Variants in ARHGAP20 observed in about 807,000 individuals in gnomAD.
The protein encoded by ARHGAP20 is Rho GTPase activating protein 20.
A neutral mutation model predicts 73.7 loss-of-function variants in ARHGAP20; 34 were observed. The observed-to-expected ratio is 0.46, with a 90% CI of 0.35 to 0.61. The LOEUF (loss-of-function observed/expected upper bound fraction) is 0.61. Ranked by LOEUF, ARHGAP20 falls within the 20% of genes least tolerant of loss-of-function variation. ARHGAP20 has a pLI of 0.00. For missense variants in ARHGAP20, 1,314 were observed against 1,420.9 expected, an observed-to-expected ratio of 0.92 and a Z score of 1.21; for synonymous variants, 523 against 518.2, an observed-to-expected ratio of 1.01 and a Z score of -0.13.
chr11:110,601,367 A>C (rs1001838585), intron 9 of ARHGAP20, among the ~76,000 whole-genome samples: 38 of 152,226 alleles, frequency 2.5e-4, no homozygotes, highest in African/African-American at 8.7e-4. Context: ...TGAACAAGGG[A>C]GCATGAAGAT....
intron 2 of ARHGAP20, among the ~76,000 whole-genome samples, chr11:110,671,667 T>C (rs1949830951): frequency 6.6e-6 from 1 of 152,056 alleles, no homozygotes; most frequent in African/African-American, 2.4e-5. Flanking sequence ...AAAAATCAAC[T>C]GTATTTCTAT....
intron 2 of ARHGAP20, among the ~76,000 whole-genome samples, chr11:110,655,237 T>C (rs1441955149): frequency 6.6e-6 from 1 of 151,998 alleles, no homozygotes; most frequent in East Asian, 1.9e-4. Flanking sequence ...AACAATCTAA[T>C]GAGACACATG....
At chr11:110,650,698 G>C (rs1455860897) in intron 2 of ARHGAP20, among the ~76,000 whole-genome samples, 1 of 152,128 alleles carries the variant, frequency 6.6e-6, no homozygotes, top group East Asian at 1.9e-4. Flanking sequence ...ATGCAATTTA[G>C]TTCATAGCAG....
intron 2 of ARHGAP20, among the ~76,000 whole-genome samples, chr11:110,649,096 A>G (rs1449398294): frequency 1.3e-5 from 2 of 152,142 alleles, no homozygotes; most frequent in Non-Finnish European, 2.9e-5. Flanking sequence ...TCTCTTTGCA[A>G]ACAAAAATAA....
chr11:110,577,316 T>TATA lies in ARHGAP20; in HGVS notation c.*2051_*2053dup. 1 of 1,298,510 alleles carries TATA rather than the reference T, an allele frequency of 7.7e-7. No individual in the cohort carries two copies. The highest frequency in any genetic ancestry group is 9.8e-7 in the Non-Finnish European group (1 of 1,021,638). The allele number at this position is 1,298,510 out of a possible 1,614,324, so 80.4% of individuals were successfully genotyped here. A position where few individuals can be genotyped will look rare whatever the true frequency, so the allele number is the denominator to read the frequency against. ...TATAGTCTGTCTTCAAATCATACAA[T>TATA]ATAATACTTTACAGCAATATTAACA... On this transcript the variant is annotated 3_prime_UTR_variant, in exon 15 of 15. Transcript: ENST00000683387.
chr11:110,633,873 A>G (rs1302891537), intron 2 of ARHGAP20, among the ~76,000 whole-genome samples: 2 of 152,196 alleles, frequency 1.3e-5, no homozygotes, highest in Non-Finnish European at 2.9e-5. Flanking sequence ...CACTTGGAAG[A>G]GATGTCAGAA....
At chr11:110,595,439 G>C (rs757857447) in intron 9 of ARHGAP20, among the ~76,000 whole-genome samples, 13 of 152,186 alleles carry the variant, frequency 8.5e-5, no homozygotes, top group Non-Finnish European at 1.3e-4. Flanking sequence ...AGCAACTTCA[G>C]CAAAGTCTCA....
chr11:110,685,216 A>G (rs73563807), intron 2 of ARHGAP20, among the ~76,000 whole-genome samples: 8,425 of 152,270 alleles, frequency 0.055, 271 homozygotes, highest in Middle Eastern at 0.099. Flanking sequence ...AACAAATAAC[A>G]TATTTCAACA....
chr11:110,584,958 T>TATGTGAATAG (rs1947596020), intron 12 of ARHGAP20, among the ~76,000 whole-genome samples: 1 of 70,120 alleles, frequency 1.4e-5, no homozygotes, highest in Non-Finnish European at 3.7e-5. Context: ...TATATGAATA[T>TATGTGAATAG]ATGTGAATAT....
chr11:110,589,772 GGTAAAA>G (rs1947774851), intron 11 of ARHGAP20: 2 of 915,648 alleles, frequency 2.2e-6, no homozygotes, highest in Non-Finnish European at 2.6e-6. Flanking sequence ...TGCCAAGTGT[GGTAAAA>G]GTAAAGGAAA....
At chr11:110,605,225 AG>A (rs931597468) in intron 9 of ARHGAP20, among the ~76,000 whole-genome samples, 1 of 152,204 alleles carries the variant, frequency 6.6e-6, no homozygotes, top group African/African-American at 2.4e-5. Flanking sequence ...AGAGTTTAGT[AG>A]GTTTGAAAGA....
chr11:110,588,166 A>G (rs1947721938), intron 11 of ARHGAP20, among the ~76,000 whole-genome samples: 1 of 152,194 alleles, frequency 6.6e-6, no homozygotes, highest in African/African-American at 2.4e-5. Flanking sequence ...AAATACCACC[A>G]TCATCACAGC....
At chr11:110,701,682 C>T (rs1344235145) in intron 1 of ARHGAP20, among the ~76,000 whole-genome samples, 8 of 152,180 alleles carry the variant, frequency 5.3e-5, no homozygotes, top group Admixed American at 3.3e-4. Context: ...AATGGTAATG[C>T]CCAGGTTTTC....
chr11:110,613,517 G>C (rs1332412863), intron 6 of ARHGAP20, among the ~76,000 whole-genome samples: 1 of 152,052 alleles, frequency 6.6e-6, no homozygotes, highest in African/African-American at 2.4e-5. Context: ...ATGACAGTGG[G>C]ACATCAGTCC....
At position 110,577,736 on chromosome 11, in the gene ARHGAP20, A is replaced by AAAAG. The variant is rs1469171958; in HGVS notation, c.*1630_*1633dup. The AAAAG allele has an allele frequency of 5.1e-6, 5 of 985,812 alleles. No individual in the cohort carries two copies. Among genetic ancestry groups the AAAAG allele is most frequent in the African/African-American group, 3.5e-5 (2 of 57,244 alleles). 61.1% of individuals were successfully genotyped at this position (985,812 alleles called of 1,614,324 possible). On this transcript the variant is annotated 3_prime_UTR_variant, in exon 15 of 15. Coordinates refer to ENST00000683387, the MANE Select transcript of ARHGAP20 (RefSeq NM_001384657.1). ...AGTAGCTCTTTGGATACAGAGTTCT[A>AAAAG]AAAGATCATTGTAATGGTTAGCGCA...
chr11:110,597,262 A>T (rs1014152012), intron 9 of ARHGAP20, among the ~76,000 whole-genome samples: 1 of 151,432 alleles, frequency 6.6e-6, no homozygotes, highest in Admixed American at 6.6e-5. Context: ...CACGTTGTGC[A>T]CATGTACCCT....
At chr11:110,695,952 G>A (rs1012340444) in intron 1 of ARHGAP20, among the ~76,000 whole-genome samples, 2 of 151,574 alleles carry the variant, frequency 1.3e-5, no homozygotes, top group Non-Finnish European at 3.0e-5. Context: ...TAAACAAAAT[G>A]TGGTATATCT....
intron 2 of ARHGAP20, among the ~76,000 whole-genome samples, chr11:110,634,138 G>A (rs1039962316): frequency 2.0e-5 from 3 of 152,122 alleles, no homozygotes; most frequent in Non-Finnish European, 4.4e-5. Context: ...CTCAAAAGGT[G>A]TCTTGGGGTA....
chr11:110,660,086 C>G (rs932502169), intron 2 of ARHGAP20, among the ~76,000 whole-genome samples: 1 of 127,286 alleles, frequency 7.9e-6, no homozygotes, highest in Non-Finnish European at 1.7e-5. Context: ...AAAGAAAATA[C>G]CCTAGGTCAG....
Sources: gnomAD v4.1 joint callset for allele counts (sites outside exome capture counted in the v4.1 genomes callset) on GRCh38, gnomAD v4.1.1 for gene constraint, MANE v1.5 for transcripts, NCBI Gene and HGNC (gene_info 2026-07-23, HGNC 2026-07-21) for gene names.